Variants in VMA21 observed in about 807,000 individuals in gnomAD.
The protein encoded by VMA21 is vacuolar ATPase assembly integral membrane protein VMA21.
For synonymous variants in VMA21, 47 were observed against 34.1 expected (o/e 1.38, Z -1.32); for missense variants, 61 against 80.6 (o/e 0.76, Z 0.93).
At chrX:151,397,742 T>C (rs1239748843) in intron 1 of VMA21, among the ~76,000 whole-genome samples, 1 of 112,044 alleles carries the variant, frequency 8.9e-6, no homozygotes, top group Non-Finnish European at 1.9e-5. Flanking sequence ...GCTTAATAAA[T>C]GTTTGCTGTA....
At chrX:151,398,262 C>T (rs888793659) in intron 1 of VMA21, among the ~76,000 whole-genome samples, 3 of 105,241 alleles carry the variant, frequency 2.9e-5, no homozygotes, top group Admixed American at 1.0e-4. Context: ...CTGCATGTCA[C>T]GGGGGCTTGG....
rs573627542 is a variant in VMA21, at chrX:151,406,353, A to T, written c.*1295A>T. On this transcript the variant is annotated 3_prime_UTR_variant, in exon 3 of 3. Coordinates refer to ENST00000330374, the MANE Select transcript of VMA21 (RefSeq NM_001017980.4). ...TTTTTCAGATGAGTGATTATTGGCC[A>T]TTTTCTTTTTCTTTTTCTTTATTTT... 1.8e-5 allele frequency: 2 copies of T among 110,470 alleles called. No homozygotes were observed. Among genetic ancestry groups the T allele is most frequent in the South Asian group, 7.6e-4 (2 of 2,634 alleles). 9.1% of individuals were successfully genotyped at this position (110,470 alleles called of 1,213,427 possible).
chrX:151,401,760 T>G (rs1227708293), intron 1 of VMA21, among the ~76,000 whole-genome samples: 5 of 111,773 alleles, frequency 4.5e-5, no homozygotes, highest in Admixed American at 9.5e-5. Context: ...AGTTTCTTTT[T>G]TTTTGAAATA....
chrX:151,400,860 C>T (rs771596860), intron 1 of VMA21, among the ~76,000 whole-genome samples: 1 of 112,267 alleles, frequency 8.9e-6, no homozygotes, highest in East Asian at 2.8e-4. Flanking sequence ...AAATGTCTGT[C>T]CAGCTGTTGT....
In VMA21 at chrX:151,397,332, G is replaced by C; in HGVS notation, c.24G>C (p.Ala8=). The C allele has an allele frequency of 8.6e-7, 1 of 1,162,597 alleles. No homozygotes were observed. Among genetic ancestry groups the C allele is most frequent in the Non-Finnish European group, 1.1e-6 (1 of 872,694 alleles). MERPDKA[A]LNALQPPEFR... Reference sequence around the variant, plus strand: ...CCATGGAGCGCCCGGATAAGGCGGCGCTGAACGCACTGCAGCCTCCTGAGT... The same window carrying C: ...CCATGGAGCGCCCGGATAAGGCGGCCCTGAACGCACTGCAGCCTCCTGAGT... Residue 8 remains alanine (A), a synonymous_variant, in exon 1 of 3, where the codon GCG becomes GCC. Transcript: ENST00000330374.
rs1168931222 is a variant in VMA21, at chrX:151,406,966, G to A, written c.*1908G>A. The A allele has an allele frequency of 8.9e-6, 1 of 112,446 alleles. No homozygotes were observed. The highest frequency in any genetic ancestry group is 3.2e-5 in the African/African-American group (1 of 30,950). 9.3% of individuals were successfully genotyped at this position (112,446 alleles called of 1,213,427 possible). A position where few individuals can be genotyped will look rare whatever the true frequency, so the allele number is the denominator to read the frequency against. ...TTCTTGCTTAAAGACTACAATTTTA[G>A]TATAATGACATTTGAGTCTAGGGTA... On this transcript the variant is annotated 3_prime_UTR_variant, in exon 3 of 3. Transcript: ENST00000330374.
chrX:151,400,102 A>G (rs764188049), intron 1 of VMA21, among the ~76,000 whole-genome samples: 1 of 111,002 alleles, frequency 9.0e-6, no homozygotes, highest in Admixed American at 9.6e-5. Flanking sequence ...TTTATTGCCT[A>G]TAGTCCTCTT....
chrX:151,402,518 G>A (rs2124124213), intron 1 of VMA21, among the ~76,000 whole-genome samples: 1 of 112,579 alleles, frequency 8.9e-6, no homozygotes, highest in South Asian at 3.7e-4. Flanking sequence ...ATATGTTATT[G>A]AGGAATTTTG....
At chrX:151,397,111 G>GCGCCGCGCCGCGCCGCGCCGCGC (rs2011197517), upstream of VMA21, 1 of 341,161 alleles carries the variant, frequency 2.9e-6, no homozygotes, top group African/African-American at 2.9e-5. Context: ...CGTCGCTGCG[G>GCGCCGCGCCGCGCCGCGCCGCGC]CGCGCCGCGC....
intron 2 of VMA21, among the ~76,000 whole-genome samples, 181 bp downstream of exon 2, chrX:151,403,921 C>G (rs1237135873): frequency 1.8e-5 from 2 of 111,475 alleles, no homozygotes; most frequent in South Asian, 3.8e-4. Context: ...GACAGTTTTC[C>G]TATGGTTTTC....
In VMA21 at chrX:151,409,223, T is replaced by C. The variant is rs979696803; in HGVS notation, c.*4165T>C. 3 of 112,134 alleles carry C rather than the reference T, an allele frequency of 2.7e-5. No individual in the cohort carries two copies. Among genetic ancestry groups the C allele is most frequent in the African/African-American group, 9.7e-5 (3 of 30,816 alleles). 9.2% of individuals were successfully genotyped at this position (112,134 alleles called of 1,213,427 possible). ...ATCAAAATGGGGGGCTTGAGTTCTT[T>C]AGCTACTTGAATCCGATTTACTTCT... On this transcript the variant is annotated 3_prime_UTR_variant, in exon 3 of 3. Coordinates refer to ENST00000330374, the MANE Select transcript of VMA21 (RefSeq NM_001017980.4).
chrX:151,397,381 G>A lies in VMA21; in HGVS notation c.53+20G>A. On this transcript the variant is annotated intron_variant, in intron 1 of 2. Coordinates refer to ENST00000330374, the MANE Select transcript of VMA21 (RefSeq NM_001017980.4). ...GTTCAGGTAGCCCTGAGCGGGGCCTGGACCGCGAGGCGGACTGGCCCCAGC... is the reference window on the plus strand; with the variant it reads ...GTTCAGGTAGCCCTGAGCGGGGCCTAGACCGCGAGGCGGACTGGCCCCAGC... The A allele has an allele frequency of 8.6e-7, 1 of 1,159,218 alleles. No homozygotes were observed. Among genetic ancestry groups the A allele is most frequent in the East Asian group, 3.3e-5 (1 of 30,666 alleles).
Position 151,398,314 on chromosome X carries a change from C to T in VMA21, c.53+953C>T, listed in dbSNP as rs1040514821. On this transcript the variant is annotated intron_variant, in intron 1 of 2. Transcript: ENST00000330374. Reference sequence around the variant, plus strand: ...TCACCCAGGTAATAAGCATAGTACCCGATAGGCGTTTTTTCTGATTCTCTC... The same window carrying T: ...TCACCCAGGTAATAAGCATAGTACCTGATAGGCGTTTTTTCTGATTCTCTC... Among the ~76,000 whole-genome samples the T allele has an allele frequency of 3.6e-5, 3 of 83,723 alleles. No homozygotes were observed. In the South Asian group the frequency reaches 1.5e-3, roughly 43 times the overall value. The allele number at this position is 83,723 out of a possible 115,157, so 72.7% of individuals were successfully genotyped here. A position where few individuals can be genotyped will look rare whatever the true frequency, so the allele number is the denominator to read the frequency against.
At chrX:151,401,318 C>T (rs1269274972) in intron 1 of VMA21, among the ~76,000 whole-genome samples, 1 of 111,586 alleles carries the variant, frequency 9.0e-6, no homozygotes, top group South Asian at 3.7e-4. Flanking sequence ...ACACCCCTGT[C>T]GAAGATTAGT....
chrX:151,402,175 A>G (rs1201990682), intron 1 of VMA21, among the ~76,000 whole-genome samples: 1 of 111,723 alleles, frequency 9.0e-6, no homozygotes, highest in Non-Finnish European at 1.9e-5. Flanking sequence ...GTCATAATAT[A>G]TAATCTTTTT....
rs2011284849 is a variant in VMA21 at position 151,405,754 on chromosome X, A to G, written c.*696A>G. ...CTTGCAGGCCAGCTTTGTGCTTTGC[A>G]GACCAACTTTTTAATGAGATACTTT... is the stretch of plus-strand genomic sequence containing the variant. On this transcript the variant is annotated 3_prime_UTR_variant, in exon 3 of 3. Coordinates refer to ENST00000330374, the MANE Select transcript of VMA21 (RefSeq NM_001017980.4). 1 of 112,230 alleles carries G rather than the reference A, an allele frequency of 8.9e-6. No individual in the cohort carries two copies. The highest frequency in any genetic ancestry group is 3.2e-5 in the African/African-American group (1 of 30,864). 9.2% of individuals were successfully genotyped at this position (112,230 alleles called of 1,213,427 possible). A position where few individuals can be genotyped will look rare whatever the true frequency, so the allele number is the denominator to read the frequency against.
Position 151,397,385 on chromosome X carries a change from C to G in VMA21, c.53+24C>G, listed in dbSNP as rs1227262080. ...AGGTAGCCCTGAGCGGGGCCTGGAC[C>G]GCGAGGCGGACTGGCCCCAGCCTGG... On this transcript the variant is annotated intron_variant, in intron 1 of 2. Transcript: ENST00000330374. 7 of 1,157,641 alleles carry G rather than the reference C, an allele frequency of 6.0e-6. No homozygotes were observed. In the South Asian group the frequency reaches 1.3e-4, roughly 22 times the overall value.
Position 151,406,212 on chromosome X carries a change from A to G in VMA21, c.*1154A>G, listed in dbSNP as rs2011290351. On this transcript the variant is annotated 3_prime_UTR_variant, in exon 3 of 3. Coordinates refer to ENST00000330374, the MANE Select transcript of VMA21 (RefSeq NM_001017980.4). The stretch of plus-strand genomic sequence containing the variant: ...GCCATCTAAAAATAACCTCTATTTT[A>G]GTTGATATCCCGTATTCATTTTTGA... The G allele has an allele frequency of 8.9e-6, 1 of 111,892 alleles. No homozygotes were observed. Among genetic ancestry groups the G allele is most frequent in the South Asian group, 3.7e-4 (1 of 2,699 alleles). 9.2% of individuals were successfully genotyped at this position (111,892 alleles called of 1,213,427 possible). A position where few individuals can be genotyped will look rare whatever the true frequency, so the allele number is the denominator to read the frequency against.
intron 1 of VMA21, among the ~76,000 whole-genome samples, chrX:151,398,849 G>A (rs2011215617): frequency 8.9e-6 from 1 of 112,200 alleles, no homozygotes; most frequent in Non-Finnish European, 1.9e-5. Context: ...GGCAGATTAA[G>A]GTTCATCCTG....
Sources: gnomAD v4.1 joint callset for allele counts (sites outside exome capture counted in the v4.1 genomes callset) on GRCh38, gnomAD v4.1.1 for gene constraint, MANE v1.5 for transcripts, NCBI Gene and HGNC (gene_info 2026-07-23, HGNC 2026-07-21) for gene names.